The following MFF variants were observed in gnomAD, a reference collection of about 807,000 sequenced individuals.
MFF encodes mitochondrial fission factor.
Under a neutral mutation model 36.9 loss-of-function variants are expected in MFF, and 12 were observed. The observed-to-expected ratio is 0.33, with a 90% confidence interval of 0.21 to 0.53. The LOEUF (loss-of-function observed/expected upper bound fraction) is 0.53, where lower values mean the gene tolerates loss of function less well. Among genes scored for constraint, MFF ranks in the 20% least tolerant of loss-of-function variants. MFF has a pLI of 0.95. For missense variants in MFF, 348 were observed against 366.6 expected (o/e 0.95, Z 0.42); for synonymous variants, 99 against 126.2 (o/e 0.78, Z 1.44).
At position 227,334,323 on chromosome 2, in the gene MFF, C is replaced by T. The variant is rs1185859321; in HGVS notation, c.351+1735C>T. Reference sequence around the variant, plus strand: ...GAAAGACGAGTTTCTGAGATTAATACCAGCTGCTTATTGAAAGCAAAGATG... The same window carrying T: ...GAAAGACGAGTTTCTGAGATTAATATCAGCTGCTTATTGAAAGCAAAGATG... On this transcript the variant is annotated intron_variant, in intron 4 of 8. Transcript: ENST00000304593. 2.6e-5 allele frequency among the ~76,000 whole-genome samples: 4 copies of T among 152,116 alleles called. No homozygotes were observed. In the East Asian group the frequency reaches 5.8e-4, roughly 22 times the overall value.
chr2:227,340,282 G>A lies in MFF; in HGVS notation c.352-10G>A. On this transcript the variant is annotated splice_polypyrimidine_tract_variant and intron_variant, in intron 4 of 8. Coordinates refer to ENST00000304593, the MANE Select transcript of MFF (RefSeq NM_001277062.2). ...TTTCTATTTCCTTCCCTCTCTTTGTGCCTTAACAGATCCGAGCAGTTGGCA... is the reference window on the plus strand; with the variant it reads ...TTTCTATTTCCTTCCCTCTCTTTGTACCTTAACAGATCCGAGCAGTTGGCA... The A allele has an allele frequency of 1.3e-6, 2 of 1,563,544 alleles. No homozygotes were observed. Among genetic ancestry groups the A allele is most frequent in the Non-Finnish European group, 1.7e-6 (2 of 1,147,000 alleles).
chr2:227,348,329 A>G (rs1003435897), intron 6 of MFF, among the ~76,000 whole-genome samples: 4 of 152,148 alleles, frequency 2.6e-5, no homozygotes, highest in Non-Finnish European at 4.4e-5. Context: ...GGCCCTGGGT[A>G]TGTCACCATA....
At chr2:227,338,858 A>G (rs2075215139) in intron 4 of MFF, among the ~76,000 whole-genome samples, 2 of 148,842 alleles carry the variant, frequency 1.3e-5, no homozygotes, top group Non-Finnish European at 3.0e-5. Context: ...AAAAAAAACC[A>G]TAATGTTGCC....
chr2:227,348,420 A>G (rs2075822353), intron 6 of MFF, among the ~76,000 whole-genome samples: 1 of 152,094 alleles, frequency 6.6e-6, no homozygotes, highest in Non-Finnish European at 1.5e-5. Context: ...ACCTAGTGCT[A>G]TGCATTTGGG....
At chr2:227,334,872 A>C (rs2106367439) in intron 4 of MFF, among the ~76,000 whole-genome samples, 1 of 152,268 alleles carries the variant, frequency 6.6e-6, no homozygotes, top group South Asian at 2.1e-4. Context: ...TTCAGCCATA[A>C]AAAAATGAGG....
chr2:227,354,200 T>A (rs1016013721), intron 7 of MFF, among the ~76,000 whole-genome samples: 21 of 152,174 alleles, frequency 1.4e-4, no homozygotes, highest in Non-Finnish European at 2.4e-4. Flanking sequence ...TTGTTTAAGG[T>A]TTTTTGCATA....
At position 227,357,287 on chromosome 2, in the gene MFF, A is replaced by G. The variant is rs1213178719; in HGVS notation, c.*170A>G. On this transcript the variant is annotated 3_prime_UTR_variant, in exon 9 of 9. Coordinates refer to ENST00000304593, the MANE Select transcript of MFF (RefSeq NM_001277062.2). ...GACCTATATTTGTAGAAGTAAAGGT[A>G]TATTCTGTCACTCAGCTGTATTCAC... 12 of 658,394 alleles carry G rather than the reference A, an allele frequency of 1.8e-5. No individual in the cohort carries two copies. Among genetic ancestry groups the G allele is most frequent in the Non-Finnish European group, 3.0e-5 (12 of 405,206 alleles). 40.8% of individuals were successfully genotyped at this position (658,394 alleles called of 1,614,324 possible).
At chr2:227,333,228 A>G (rs141443644) in intron 4 of MFF, among the ~76,000 whole-genome samples, 3 of 152,314 alleles carry the variant, frequency 2.0e-5, no homozygotes, top group East Asian at 3.9e-4. Context: ...CAATGTGCAA[A>G]CATATGTTTT....
chr2:227,339,794 A>C (rs1329557529), intron 4 of MFF, among the ~76,000 whole-genome samples: 1 of 152,242 alleles, frequency 6.6e-6, no homozygotes, highest in Non-Finnish European at 1.5e-5. Flanking sequence ...GATTGCAGCC[A>C]TTCTGGAATG....
At chr2:227,330,954 G>C in intron 3 of MFF, 108 bp downstream of exon 3, 2 of 848,608 alleles carry the variant, frequency 2.4e-6, no homozygotes, top group Non-Finnish European at 3.6e-6. Context: ...GTTGGAAAAT[G>C]CAACTTTATA....
chr2:227,331,564 G>A (rs1185793459), intron 3 of MFF, among the ~76,000 whole-genome samples: 1 of 152,196 alleles, frequency 6.6e-6, no homozygotes, highest in African/African-American at 2.4e-5. Flanking sequence ...TTTCAACTTT[G>A]AAAAACTGCT....
chr2:227,347,416 T>C (rs760964533), intron 6 of MFF, 32 bp downstream of exon 6: 18 of 1,608,040 alleles, frequency 1.1e-5, no homozygotes, highest in Non-Finnish European at 1.4e-5. Flanking sequence ...TTGACAGCTT[T>C]ATTGCATATT....
intron 5 of MFF, among the ~76,000 whole-genome samples, chr2:227,342,506 A>G (rs2106407575): frequency 6.6e-6 from 1 of 152,278 alleles, no homozygotes; most frequent in Non-Finnish European, 1.5e-5. Flanking sequence ...GTTGTGCGTC[A>G]TAGTGCATGA....
chr2:227,335,105 G>T (rs1251977773), intron 4 of MFF, among the ~76,000 whole-genome samples: 1 of 150,428 alleles, frequency 6.6e-6, no homozygotes, highest in Non-Finnish European at 1.5e-5. Context: ...CCGGGGTGGA[G>T]GTAGCAGTGA....
chr2:227,329,802 A>G lies in MFF; in HGVS notation c.-40-824A>G, dbSNP rs754445569. ...TAGGAAGGTCAGTGAAATTTTATTC[A>G]GTTGAGCTGGTATTATAGGTTTGAG... On this transcript the variant is annotated intron_variant, in intron 2 of 8. Transcript: ENST00000304593. 5 of 1,476,490 alleles carry G rather than the reference A, an allele frequency of 3.4e-6. No homozygotes were observed. The Admixed American group carries it at 9.0e-5, about 27-fold the overall frequency. 91.5% of individuals were successfully genotyped at this position (1,476,490 alleles called of 1,614,324 possible).
chr2:227,342,108 A>G (rs1275625105), intron 5 of MFF, among the ~76,000 whole-genome samples: 1 of 151,922 alleles, frequency 6.6e-6, no homozygotes, highest in African/African-American at 2.4e-5. Flanking sequence ...AAGTTGCTTT[A>G]ATGACATTTT....
chr2:227,333,123 C>A (rs762877805), intron 4 of MFF, among the ~76,000 whole-genome samples: 1 of 152,200 alleles, frequency 6.6e-6, no homozygotes, highest in Non-Finnish European at 1.5e-5. Context: ...TTACAGCTAA[C>A]CTTTGAAGCT....
chr2:227,350,691 G>A (rs112937387), intron 6 of MFF, among the ~76,000 whole-genome samples: 4,812 of 152,088 alleles, frequency 0.032, 140 homozygotes, highest in Admixed American at 0.044. Flanking sequence ...CATTTTTATA[G>A]CAAAGAAACA....
At chr2:227,340,157 G>A in intron 4 of MFF, 135 bp from the exon 5 acceptor site, 1 of 610,998 alleles carries the variant, frequency 1.6e-6, no homozygotes, top group East Asian at 2.8e-5. Context: ...CTGCCTGGCA[G>A]CAATTCTTGG....
Sources: allele counts gnomAD v4.1 joint callset (sites outside exome capture counted in the v4.1 genomes callset), GRCh38; gene constraint gnomAD v4.1.1; transcripts MANE v1.5; gene names NCBI Gene and HGNC (gene_info 2026-07-23, HGNC 2026-07-21).